The following STRN3 variants were observed in gnomAD, a reference collection of about 807,000 sequenced individuals.
The protein encoded by STRN3 is striatin-3.
STRN3 carries 29 observed loss-of-function variants against 95.6 expected under a neutral mutation model. The ratio of observed to expected loss-of-function variants is 0.30; its 90% CI spans 0.23 to 0.41. The LOEUF is 0.41. Ranked by LOEUF, STRN3 falls within the 10% of genes least tolerant of loss-of-function variation. The probability of loss-of-function intolerance (pLI) is 1.00; values close to 1 mark genes in which losing one functional copy is unlikely to be tolerated. For synonymous variants in STRN3, 331 were observed against 357.6 expected, an observed-to-expected ratio of 0.93 and a Z score of 0.84; for missense variants, 890 against 972.1, an observed-to-expected ratio of 0.92 and a Z score of 1.12.
chr14:30,929,115 T>C lies in STRN3; in HGVS notation c.1099+86A>G, dbSNP rs1878344826. ...GTTGCCCCCTTTATGAAACAAAAAA[T>C]TAAGTTACACAAAGAAACAGAATTG... On this transcript the variant is annotated intron_variant, in intron 8 of 17. Transcript: ENST00000357479. 4.3e-6 allele frequency: 5 copies of C among 1,155,460 alleles called. No homozygotes were observed. The Admixed American group carries it at 1.0e-4, about 23-fold the overall frequency. The allele number at this position is 1,155,460 out of a possible 1,614,324, so 71.6% of individuals were successfully genotyped here.
At chr14:31,001,754 T>C (rs1443217054) in intron 1 of STRN3, among the ~76,000 whole-genome samples, 1 of 152,194 alleles carries the variant, frequency 6.6e-6, no homozygotes, top group Non-Finnish European at 1.5e-5. Flanking sequence ...AACAGACGAA[T>C]GGATCTGTTA....
intron 14 of STRN3, 142 bp downstream of exon 14, chr14:30,906,735 T>C: frequency 1.1e-6 from 1 of 924,546 alleles, no homozygotes; most frequent in Non-Finnish European, 1.6e-6. Flanking sequence ...AAAAAATGAG[T>C]AAAAAGTTTA....
intron 16 of STRN3, among the ~76,000 whole-genome samples, chr14:30,896,329 G>C (rs532487228): frequency 6.6e-6 from 1 of 152,248 alleles, no homozygotes; most frequent in South Asian, 2.1e-4. Flanking sequence ...GCTCAAGATC[G>C]TGTAAACTGG....
At chr14:31,009,245 T>C (rs940373473) in intron 1 of STRN3, among the ~76,000 whole-genome samples, 1 of 152,040 alleles carries the variant, frequency 6.6e-6, no homozygotes, top group African/African-American at 2.4e-5. Flanking sequence ...GACATAGCTA[T>C]ACACACACAC....
intron 1 of STRN3, among the ~76,000 whole-genome samples, chr14:30,971,269 T>TTCA (rs1175314553): frequency 6.6e-6 from 1 of 152,174 alleles, no homozygotes; most frequent in East Asian, 1.9e-4. Flanking sequence ...GGCTATCCCT[T>TTCA]TCACCCTGCC....
intron 5 of STRN3, among the ~76,000 whole-genome samples, chr14:30,939,682 A>C (rs894666016): frequency 6.6e-6 from 1 of 152,158 alleles, no homozygotes; most frequent in Non-Finnish European, 1.5e-5. Context: ...ATGAGTAACA[A>C]GAGAGTCCCC....
intron 1 of STRN3, 127 bp from the exon 2 acceptor site, chr14:30,956,369 A>C: frequency 1.1e-6 from 1 of 897,636 alleles, no homozygotes; most frequent in Non-Finnish European, 1.7e-6. Flanking sequence ...AATTCATAAA[A>C]ACGGGCCAGG....
rs1171091827 is a variant in STRN3, at chr14:30,895,620, C to CT, written c.2224+41dup. On this transcript the variant is annotated intron_variant, in intron 17 of 17. Coordinates refer to ENST00000357479, the MANE Select transcript of STRN3 (RefSeq NM_001083893.2). ...ATAAAATTTGTTACTGAGTAACAAT[C>CT]TTTTATAAAGTTTGTGGGCAGTACA... is the stretch of plus-strand genomic sequence containing the variant. 3.1e-6 allele frequency: 5 copies of CT among 1,609,796 alleles called. No homozygotes were observed. The African/African-American group carries it at 6.7e-5, about 22-fold the overall frequency.
Position 31,026,108 on chromosome 14 carries a change from C to A in STRN3, c.78G>T (p.Gly26=), listed in dbSNP as rs567401189. 8.5e-5 allele frequency: 128 copies of A among 1,511,706 alleles called. No homozygotes were observed. The African/African-American group carries it at 1.3e-3, about 15-fold the overall frequency. The allele number at this position is 1,511,706 out of a possible 1,614,324, so 93.6% of individuals were successfully genotyped here. A position where few individuals can be genotyped will look rare whatever the true frequency, so the allele number is the denominator to read the frequency against. Residue 26 remains glycine, a synonymous_variant, in exon 1 of 18, where the codon GGG becomes GGT. Transcript: ENST00000357479. The part of the protein sequence containing the change: ...APPRQQQGPG[G]NLGLSPGGNG... Reference sequence around the variant, plus strand: ...TCCCCCCGGGCGAAAGGCCCAGGTTCCCCCCAGGTCCCTGCTGCTGCCGGG... The same window carrying A: ...TCCCCCCGGGCGAAAGGCCCAGGTTACCCCCAGGTCCCTGCTGCTGCCGGG...
Position 30,946,387 on chromosome 14 carries a change from A to T in STRN3, c.716+703T>A, listed in dbSNP as rs555721611. Among the ~76,000 whole-genome samples the T allele has an allele frequency of 2.0e-5, 3 of 151,920 alleles. No individual in the cohort carries two copies. In the East Asian group the frequency reaches 5.8e-4, roughly 30 times the overall value. ...GCAAGAACCCATCTCCACAAAAAAT[A>T]AAAAAAATTAGCTGGGCATAGTGGC... On this transcript the variant is annotated intron_variant, in intron 5 of 17. Transcript: ENST00000357479.
chr14:30,972,200 ACTCACCTG>A (rs1880866650), intron 1 of STRN3, among the ~76,000 whole-genome samples: 1 of 151,932 alleles, frequency 6.6e-6, no homozygotes. Flanking sequence ...CTCCACCCTG[ACTCACCTG>A]CTCCAATCTA....
At chr14:31,021,230 T>C (rs1476416041) in intron 1 of STRN3, among the ~76,000 whole-genome samples, 1 of 152,096 alleles carries the variant, frequency 6.6e-6, no homozygotes, top group Non-Finnish European at 1.5e-5. Context: ...AAACGGAAGT[T>C]AGAAATACAA....
At chr14:30,973,605 C>T (rs1880946021) in intron 1 of STRN3, among the ~76,000 whole-genome samples, 1 of 152,104 alleles carries the variant, frequency 6.6e-6, no homozygotes, top group South Asian at 2.1e-4. Context: ...GAAGGGAATA[C>T]TACCCAACTC....
chr14:31,003,850 T>C (rs1221855474), intron 1 of STRN3, among the ~76,000 whole-genome samples: 1 of 118,188 alleles, frequency 8.5e-6, no homozygotes, highest in African/African-American at 3.2e-5. Context: ...TTGTACAGGA[T>C]ACAAAAAGCA....
At chr14:30,972,370 A>T (rs978299884) in intron 1 of STRN3, among the ~76,000 whole-genome samples, 101 of 152,312 alleles carry the variant, frequency 6.6e-4, no homozygotes, top group African/African-American at 2.3e-3. Context: ...CAACAGGGGA[A>T]TGACACAGCA....
chr14:30,962,743 G>A (rs2139166682), intron 1 of STRN3, among the ~76,000 whole-genome samples: 1 of 152,132 alleles, frequency 6.6e-6, no homozygotes, highest in African/African-American at 2.4e-5. Context: ...ATGTTGCCCA[G>A]ACTGGGCTCA....
At chr14:30,929,372 A>T in intron 7 of STRN3, 61 bp from the exon 8 acceptor site, 1 of 1,270,718 alleles carries the variant, frequency 7.9e-7, no homozygotes, top group Non-Finnish European at 1.1e-6. Context: ...AGCTGTTGGC[A>T]GTAAACTGTT....
intron 5 of STRN3, among the ~76,000 whole-genome samples, chr14:30,941,632 T>C (rs1406190137): frequency 2.7e-5 from 4 of 149,952 alleles, no homozygotes; most frequent in Non-Finnish European, 5.9e-5. Flanking sequence ...CTTAAACTTT[T>C]TTTTTCCCCC....
chr14:30,999,594 G>A (rs905053814), intron 1 of STRN3, among the ~76,000 whole-genome samples: 1 of 152,170 alleles, frequency 6.6e-6, no homozygotes, highest in African/African-American at 2.4e-5. Flanking sequence ...CAACCAACTT[G>A]AAGATAGGTC....
Sources: gnomAD v4.1 joint callset for allele counts (sites outside exome capture counted in the v4.1 genomes callset) on GRCh38, gnomAD v4.1.1 for gene constraint, MANE v1.5 for transcripts, NCBI Gene and HGNC (gene_info 2026-07-23, HGNC 2026-07-21) for gene names.